The following USH2A variants were observed in gnomAD, a reference collection of about 807,000 sequenced individuals.
The protein encoded by USH2A is usherin, also known as Usher syndrome 2A (autosomal recessive, mild).
USH2A carries 443 observed loss-of-function variants against 538.9 expected under a neutral mutation model. That is an observed-to-expected ratio of 0.82 (90% CI 0.76 to 0.89). The LOEUF is 0.89. Ranked by LOEUF, USH2A falls within the 40% of genes least tolerant of loss-of-function variation. The pLI is 0.00. For synonymous variants in USH2A, 2,413 were observed against 2,273.5 expected, an observed-to-expected ratio of 1.06 and a Z score of -1.75; for missense variants, 6,633 against 6,324.8, an observed-to-expected ratio of 1.05 and a Z score of -1.65.
At chr1:215,849,401 T>C (rs912609150) in intron 44 of USH2A, among the ~76,000 whole-genome samples, 2 of 152,146 alleles carry the variant, frequency 1.3e-5, no homozygotes, top group Admixed American at 6.6e-5. Flanking sequence ...TGTAAAGCAA[T>C]GGCAGAATTA....
At chr1:216,238,108 T>C (rs1461851412) in intron 13 of USH2A, among the ~76,000 whole-genome samples, 1 of 152,202 alleles carries the variant, frequency 6.6e-6, no homozygotes, top group Non-Finnish European at 1.5e-5. Context: ...AAATATGATG[T>C]GCTACTTAAT....
intron 21 of USH2A, among the ~76,000 whole-genome samples, chr1:216,099,397 T>C (rs934762288): frequency 6.6e-6 from 1 of 152,142 alleles, no homozygotes; most frequent in Non-Finnish European, 1.5e-5. Flanking sequence ...ACTAGATGTA[T>C]TGTTCTCTCT....
In USH2A at chr1:216,344,706, G is replaced by A. The variant is rs145685910; in HGVS notation, c.785-17052C>T. On this transcript the variant is annotated intron_variant, in intron 4 of 71. Transcript: ENST00000307340. ...TGGGTTAGAGGCCTAATTTAGGGGC[G>A]TTAGAGTCTCTCTTAAGACAGAGGT... Among the ~76,000 whole-genome samples, 598 of 151,840 alleles carry A rather than the reference G, an allele frequency of 3.9e-3. 3 individuals are homozygous for A. The highest frequency in any genetic ancestry group is 0.014 in the African/African-American group (562 of 41,424).
chr1:216,357,705 A>G (rs2038414887), intron 4 of USH2A, among the ~76,000 whole-genome samples: 1 of 152,188 alleles, frequency 6.6e-6, no homozygotes, highest in Admixed American at 6.6e-5. Flanking sequence ...CTCACCTTTA[A>G]TCGGCAACTA....
chr1:216,375,985 G>A (rs2102725114), intron 3 of USH2A, among the ~76,000 whole-genome samples: 1 of 152,148 alleles, frequency 6.6e-6, no homozygotes, highest in East Asian at 1.9e-4. Flanking sequence ...GGTTAACTTT[G>A]CCATATCATA....
At chr1:215,845,782 T>G in intron 45 of USH2A, 42 bp downstream of exon 45, 1 of 1,592,134 alleles carries the variant, frequency 6.3e-7, no homozygotes, top group South Asian at 1.1e-5. Flanking sequence ...ATCAATTTCA[T>G]TCGCATCTCT....
intron 40 of USH2A, among the ~76,000 whole-genome samples, chr1:215,895,703 C>T (rs1294284326): frequency 2.6e-5 from 4 of 152,156 alleles, no homozygotes; most frequent in African/African-American, 7.2e-5. Context: ...GAAAAAATAA[C>T]AAGATGTAAT....
At chr1:216,043,255 T>C (rs1310383445) in intron 32 of USH2A, among the ~76,000 whole-genome samples, 3 of 152,144 alleles carry the variant, frequency 2.0e-5, no homozygotes, top group South Asian at 4.1e-4. Flanking sequence ...TCAGTTTTTC[T>C]AGCTATAAAG....
chr1:215,915,487 T>A (rs1665928571), intron 38 of USH2A, among the ~76,000 whole-genome samples: 1 of 152,106 alleles, frequency 6.6e-6, no homozygotes, highest in Non-Finnish European at 1.5e-5. Flanking sequence ...ATTGTCTCTG[T>A]CTTTCTTAGT....
intron 58 of USH2A, among the ~76,000 whole-genome samples, 165 bp downstream of exon 58, chr1:215,758,430 T>A (rs1176324152): frequency 6.6e-6 from 1 of 152,192 alleles, no homozygotes; most frequent in Admixed American, 6.5e-5. Flanking sequence ...TATGTACTCA[T>A]GCGTCTATAC....
At chr1:215,922,851 A>T (rs1666135757) in intron 38 of USH2A, among the ~76,000 whole-genome samples, 1 of 152,132 alleles carries the variant, frequency 6.6e-6, no homozygotes, top group Non-Finnish European at 1.5e-5. Context: ...TACTTAAGTC[A>T]GACCAAACAG....
At chr1:215,687,280 C>T (rs182918185) in intron 61 of USH2A, among the ~76,000 whole-genome samples, 18 of 152,048 alleles carry the variant, frequency 1.2e-4, no homozygotes, top group Non-Finnish European at 2.2e-4. Context: ...TTGGAGGATC[C>T]ACATATTAAC....
At chr1:216,024,412 T>C (rs943201160) in intron 32 of USH2A, among the ~76,000 whole-genome samples, 4 of 152,060 alleles carry the variant, frequency 2.6e-5, no homozygotes, top group African/African-American at 7.2e-5. Context: ...GAATGCATTA[T>C]ACAGGTAAGA....
chr1:216,210,317 G>T (rs573676011), intron 15 of USH2A, among the ~76,000 whole-genome samples: 2 of 152,096 alleles, frequency 1.3e-5, no homozygotes, highest in African/African-American at 4.8e-5. Flanking sequence ...GACAAACTGC[G>T]TCTGCACCCG....
intron 58 of USH2A, 111 bp from the exon 59 acceptor site, chr1:215,743,446 A>ATGTGTGTG (rs1558078840): frequency 4.7e-5 from 14 of 294,750 alleles, no homozygotes; most frequent in Admixed American, 1.3e-4. Flanking sequence ...ATATATATAT[A>ATGTGTGTG]AATAAATATA....
At chr1:216,135,664 C>T (rs1034633985) in intron 21 of USH2A, among the ~76,000 whole-genome samples, 4 of 151,932 alleles carry the variant, frequency 2.6e-5, no homozygotes, top group South Asian at 2.1e-4. Flanking sequence ...GACTCTTTTC[C>T]GCTGGGCTTA....
At chr1:215,679,622 T>A (rs79464273) in intron 62 of USH2A, among the ~76,000 whole-genome samples, 2 of 152,210 alleles carry the variant, frequency 1.3e-5, no homozygotes, top group South Asian at 2.1e-4. Context: ...GAGATACGTA[T>A]ACAACATTTA....
intron 21 of USH2A, among the ~76,000 whole-genome samples, chr1:216,168,166 A>G (rs1334719772): frequency 6.6e-6 from 1 of 152,174 alleles, no homozygotes; most frequent in African/African-American, 2.4e-5. Flanking sequence ...TTGCTGACCA[A>G]TTATGATTCT....
chr1:215,631,840 T>C (rs1483035420), intron 70 of USH2A, among the ~76,000 whole-genome samples: 4 of 152,202 alleles, frequency 2.6e-5, no homozygotes, highest in Admixed American at 2.6e-4. Context: ...ACAGGGTGTT[T>C]ACATTCTTTT....
Sources: gnomAD v4.1 joint callset for allele counts (sites outside exome capture counted in the v4.1 genomes callset) on GRCh38, gnomAD v4.1.1 for gene constraint, MANE v1.5 for transcripts, NCBI Gene and HGNC (gene_info 2026-07-23, HGNC 2026-07-21) for gene names.